Variants in DGCR2 observed in about 807,000 individuals in gnomAD.
DGCR2 encodes the protein integral membrane protein DGCR2/IDD.
A neutral mutation model predicts 51.6 loss-of-function variants in DGCR2; 24 were observed. The ratio of observed to expected loss-of-function variants is 0.47; its 90% CI spans 0.34 to 0.65. The LOEUF (loss-of-function observed/expected upper bound fraction) is 0.65, where lower values mean the gene tolerates loss of function less well. Among genes scored for constraint, DGCR2 ranks in the 30% least tolerant of loss-of-function variants. DGCR2 has a pLI of 0.01. For synonymous variants in DGCR2, 340 were observed against 315.4 expected, an observed-to-expected ratio of 1.08 and a Z score of -0.82; for missense variants, 765 against 772.1, an observed-to-expected ratio of 0.99 and a Z score of 0.11.
chr22:19,094,868 A>C (rs1247086155), intron 1 of DGCR2, among the ~76,000 whole-genome samples: 1 of 152,232 alleles, frequency 6.6e-6, no homozygotes, highest in Non-Finnish European at 1.5e-5. Context: ...TGAGTGAAGA[A>C]GCCAGTATGT....
intron 2 of DGCR2, among the ~76,000 whole-genome samples, chr22:19,071,177 C>G (rs2082810813): frequency 6.6e-6 from 1 of 152,224 alleles, no homozygotes; most frequent in South Asian, 2.1e-4. Flanking sequence ...TGCTCCGACT[C>G]TGGGCTCCAT....
At chr22:19,106,106 G>A (rs73388735) in intron 1 of DGCR2, among the ~76,000 whole-genome samples, 4,186 of 152,180 alleles carry the variant, frequency 0.028, 100 homozygotes, top group South Asian at 0.066. Flanking sequence ...CAAACAGCAG[G>A]CTTCAGCTCC....
rs1387120048 is a variant in DGCR2 at position 19,097,760 on chromosome 22, T to A, written c.80-8270A>T. 2.6e-5 allele frequency among the ~76,000 whole-genome samples: 4 copies of A among 152,206 alleles called. No homozygotes were observed. In the East Asian group the frequency reaches 7.7e-4, roughly 29 times the overall value. On this transcript the variant is annotated intron_variant, in intron 1 of 9. Transcript: ENST00000263196. ...GAGAAGTGCCCATCTGGCCACTCCA[T>A]GAGTGCCACCTGCCCTGCCCCAGGC...
intron 1 of DGCR2, among the ~76,000 whole-genome samples, chr22:19,113,254 C>T (rs907028137): frequency 7.9e-5 from 12 of 152,068 alleles, no homozygotes; most frequent in African/African-American, 2.4e-4. Context: ...CCTGTAGTTC[C>T]AGCTACTTGG....
chr22:19,095,263 G>A (rs1211128806), intron 1 of DGCR2, among the ~76,000 whole-genome samples: 3 of 152,202 alleles, frequency 2.0e-5, no homozygotes, highest in Non-Finnish European at 4.4e-5. Flanking sequence ...TCAGGAGGCT[G>A]AGGCAGGAGA....
chr22:19,077,917 G>A (rs5993508), intron 2 of DGCR2, among the ~76,000 whole-genome samples: 2 of 151,230 alleles, frequency 1.3e-5, no homozygotes, highest in Non-Finnish European at 1.5e-5. Flanking sequence ...CAATCTTCAC[G>A]TTCTGGGTTC....
At chr22:19,066,138 G>A (rs571705871) in intron 3 of DGCR2, among the ~76,000 whole-genome samples, 5 of 152,312 alleles carry the variant, frequency 3.3e-5, no homozygotes, top group South Asian at 2.1e-4. Context: ...AGTGGCTCAC[G>A]CCTGTAATTC....
chr22:19,111,729 A>C (rs909762525), intron 1 of DGCR2, among the ~76,000 whole-genome samples: 1 of 152,156 alleles, frequency 6.6e-6, no homozygotes, highest in Admixed American at 6.5e-5. Context: ...TATCGGATGG[A>C]GAGGAAACAC....
At chr22:19,039,233 G>GCTGGGTGGTGAGCAGGAC (rs1401521540) in intron 9 of DGCR2, 112 bp from the exon 10 acceptor site, 2 of 1,404,538 alleles carry the variant, frequency 1.4e-6, no homozygotes, top group Non-Finnish European at 1.9e-6. Flanking sequence ...CCCCCCTGAA[G>GCTGGGTGGTGAGCAGGAC]CTGGGTGGTG....
chr22:19,104,474 C>T (rs2083241188), intron 1 of DGCR2, among the ~76,000 whole-genome samples: 2 of 152,222 alleles, frequency 1.3e-5, no homozygotes, highest in East Asian at 1.9e-4. Context: ...CAACATTTGC[C>T]CACAAAGAAC....
chr22:19,094,384 C>G lies in DGCR2; in HGVS notation c.80-4894G>C, dbSNP rs2083115370. Among the ~76,000 whole-genome samples the G allele has an allele frequency of 2.0e-5, 3 of 152,302 alleles. No homozygotes were observed. In the South Asian group the frequency reaches 6.2e-4, roughly 32 times the overall value. On this transcript the variant is annotated intron_variant, in intron 1 of 9. Coordinates refer to ENST00000263196, the MANE Select transcript of DGCR2 (RefSeq NM_005137.3). ...AGGTTGCAGTGAGCCAAGATTGCAC[C>G]ACTGCACTCCAGTCTGGGCGACAGA...
chr22:19,077,841 T>TC (rs1216083478), intron 2 of DGCR2, among the ~76,000 whole-genome samples: 2 of 151,978 alleles, frequency 1.3e-5, no homozygotes, highest in African/African-American at 4.8e-5. Context: ...TCTTTTTTTT[T>TC]TTTTTGAGAC....
intron 1 of DGCR2, among the ~76,000 whole-genome samples, chr22:19,096,771 G>A (rs1418545619): frequency 1.3e-5 from 2 of 151,664 alleles, no homozygotes; most frequent in Non-Finnish European, 1.5e-5. Flanking sequence ...GTGCAGTGGT[G>A]GCTATTCACA....
rs114683635 is a variant in DGCR2, at chr22:19,048,003, G to A, written c.1006+437C>T. 2.1e-3 allele frequency: 496 copies of A among 232,482 alleles called. 3 individuals carry two copies. Among genetic ancestry groups the A allele is most frequent in the African/African-American group, 0.011 (479 of 44,158 alleles). 14.4% of individuals were successfully genotyped at this position (232,482 alleles called of 1,614,324 possible). ...GGCCAGGAGTTGAAGACCTGGTCTGGACAACATGGCGAAACCCCGTCTCTA... is the reference window on the plus strand; with the variant it reads ...GGCCAGGAGTTGAAGACCTGGTCTGAACAACATGGCGAAACCCCGTCTCTA... On this transcript the variant is annotated intron_variant, in intron 7 of 9. Transcript: ENST00000263196.
chr22:19,041,509 G>GGGCTGACACTTCTGTCAGACCCAGCCTCT lies in DGCR2; in HGVS notation c.1160-244_1160-216dup, dbSNP rs562086192. On this transcript the variant is annotated intron_variant, in intron 8 of 9. Coordinates refer to ENST00000263196, the MANE Select transcript of DGCR2 (RefSeq NM_005137.3). ...CCTCACCACACCAACCTGTCCCTCT[G>GGGCTGACACTTCTGTCAGACCCAGCCTCT]GGCTGACACTTCTGTCAGACCCAGC... 5,509 of 609,254 alleles carry GGGCTGACACTTCTGTCAGACCCAGCCTCT rather than the reference G, an allele frequency of 9.0e-3. 46 individuals carry two copies. Among genetic ancestry groups the GGGCTGACACTTCTGTCAGACCCAGCCTCT allele is most frequent in the Non-Finnish European group, 0.013 (4,366 of 346,982 alleles). 37.7% of individuals were successfully genotyped at this position (609,254 alleles called of 1,614,324 possible). A position where few individuals can be genotyped will look rare whatever the true frequency, so the allele number is the denominator to read the frequency against.
chr22:19,107,666 G>C (rs1366346854), intron 1 of DGCR2, among the ~76,000 whole-genome samples: 2 of 152,200 alleles, frequency 1.3e-5, no homozygotes, highest in East Asian at 3.8e-4. Flanking sequence ...GGTCCACCAA[G>C]CATACCTATT....
At chr22:19,050,148 G>A (rs2082534006) in intron 6 of DGCR2, among the ~76,000 whole-genome samples, 1 of 152,164 alleles carries the variant, frequency 6.6e-6, no homozygotes, top group Non-Finnish European at 1.5e-5. Flanking sequence ...ACATTCCTAG[G>A]ATAAATGCAA....
chr22:19,069,023 C>G (rs1313420476), intron 2 of DGCR2, among the ~76,000 whole-genome samples: 1 of 152,242 alleles, frequency 6.6e-6, no homozygotes, highest in African/African-American at 2.4e-5. Context: ...GTGACTTACC[C>G]AAGGCCATGG....
chr22:19,065,882 T>C (rs778447291), intron 3 of DGCR2: 1 of 152,274 alleles, frequency 6.6e-6, no homozygotes, highest in Non-Finnish European at 1.5e-5. Context: ...AAATGCCATT[T>C]TTAAAGTGCA....
Sources: gnomAD v4.1 joint callset for allele counts (sites outside exome capture counted in the v4.1 genomes callset) on GRCh38, gnomAD v4.1.1 for gene constraint, MANE v1.5 for transcripts, NCBI Gene and HGNC (gene_info 2026-07-23, HGNC 2026-07-21) for gene names.